LAMA2: variants seen among roughly 807,000 people sequenced by gnomAD.
LAMA2 encodes the protein laminin subunit alpha 2.
Under a neutral mutation model 364.8 loss-of-function variants are expected in LAMA2, and 269 were observed. That is an observed-to-expected ratio of 0.74 (90% CI 0.67 to 0.82). The LOEUF (loss-of-function observed/expected upper bound fraction) is 0.82. Among genes scored for constraint, LAMA2 ranks in the 40% least tolerant of loss-of-function variants. LAMA2 has a pLI of 0.00. For synonymous variants in LAMA2, 1,379 were observed against 1,370.6 expected (o/e 1.01, Z -0.14); for missense variants, 3,807 against 3,873.2 (o/e 0.98, Z 0.45).
chr6:129,013,002 A>G (rs1784855563), intron 1 of LAMA2, among the ~76,000 whole-genome samples: 1 of 152,246 alleles, frequency 6.6e-6, no homozygotes, highest in African/African-American at 2.4e-5. Context: ...ACCTATCACC[A>G]TCAGGCTATG....
chr6:129,353,432 G>A, intron 32 of LAMA2, 75 bp downstream of exon 32: 2 of 1,218,584 alleles, frequency 1.6e-6, no homozygotes, highest in Non-Finnish European at 2.4e-6. Flanking sequence ...GAGAAAGAGT[G>A]ACTCTCCCCG....
intron 1 of LAMA2, among the ~76,000 whole-genome samples, chr6:128,926,952 T>G (rs1779140468): frequency 6.6e-6 from 1 of 152,188 alleles, no homozygotes; most frequent in Non-Finnish European, 1.5e-5. Flanking sequence ...AAGGTTGACA[T>G]CCAGTTTGAA....
chr6:129,086,815 G>A (rs186075168), intron 3 of LAMA2, among the ~76,000 whole-genome samples: 3 of 152,208 alleles, frequency 2.0e-5, no homozygotes, highest in Non-Finnish European at 4.4e-5. Flanking sequence ...TAAAGTCCAG[G>A]TGTGGGTAGT....
chr6:129,201,829 G>A (rs1240480148), intron 12 of LAMA2, among the ~76,000 whole-genome samples: 2 of 152,170 alleles, frequency 1.3e-5, no homozygotes, highest in African/African-American at 4.8e-5. Context: ...AGAAAATCAT[G>A]TCAAGATATA....
chr6:129,033,118 T>C (rs1040100268), intron 1 of LAMA2, among the ~76,000 whole-genome samples: 6 of 151,722 alleles, frequency 4.0e-5, no homozygotes, highest in Non-Finnish European at 8.8e-5. Flanking sequence ...CTACAGATGG[T>C]GTGTAAATGG....
At chr6:129,136,082 G>GT (rs1777775052) in intron 4 of LAMA2, among the ~76,000 whole-genome samples, 2 of 150,652 alleles carry the variant, frequency 1.3e-5, no homozygotes, top group Admixed American at 1.3e-4. Context: ...AATTTTTTTT[G>GT]TTTTTTTGAA....
At chr6:129,047,931 C>A (rs1346639369) in intron 1 of LAMA2, among the ~76,000 whole-genome samples, 1 of 152,104 alleles carries the variant, frequency 6.6e-6, no homozygotes, top group East Asian at 1.9e-4. Context: ...ATTGTAGATG[C>A]CATTCAGTAG....
At chr6:129,480,199 C>G (rs941068045) in intron 54 of LAMA2, among the ~76,000 whole-genome samples, 10 of 152,122 alleles carry the variant, frequency 6.6e-5, no homozygotes, top group African/African-American at 2.2e-4. Flanking sequence ...GAATAGAAAA[C>G]AGATTATACA....
At chr6:129,171,233 A>G (rs1205102460) in intron 9 of LAMA2, among the ~76,000 whole-genome samples, 1 of 152,016 alleles carries the variant, frequency 6.6e-6, no homozygotes, top group African/African-American at 2.4e-5. Context: ...TTAGCTGGTT[A>G]TTTTGCTCGT....
intron 28 of LAMA2, among the ~76,000 whole-genome samples, chr6:129,322,793 TA>T (rs1364816074): frequency 5.3e-5 from 8 of 152,298 alleles, no homozygotes; most frequent in African/African-American, 1.9e-4. Context: ...ATTCTGGATT[TA>T]AAATGTTAAA....
intron 12 of LAMA2, among the ~76,000 whole-genome samples, chr6:129,228,206 C>T (rs1304773428): frequency 2.0e-5 from 3 of 152,098 alleles, no homozygotes; most frequent in Admixed American, 6.5e-5. Flanking sequence ...GGGAGTGACC[C>T]GATTTTCCAG....
At chr6:129,419,463 T>C (rs908147888) in intron 40 of LAMA2, among the ~76,000 whole-genome samples, 3 of 152,104 alleles carry the variant, frequency 2.0e-5, no homozygotes, top group Admixed American at 6.6e-5. Flanking sequence ...ACTAAGACTC[T>C]TTGTGGTATG....
At chr6:128,962,138 CCATATA>C (rs1156681416) in intron 1 of LAMA2, among the ~76,000 whole-genome samples, 1 of 35,290 alleles carries the variant, frequency 2.8e-5, no homozygotes, top group East Asian at 8.1e-4. Flanking sequence ...ATCCTCTGGA[CCATATA>C]TATATATATA....
rs749809481 is a variant in LAMA2 at position 129,516,196 on chromosome 6, T to C, written c.9218T>C (p.Leu3073Pro). 6.2e-7 allele frequency: 1 copy of C among 1,614,126 alleles called. No homozygotes were observed. Among genetic ancestry groups the C allele is most frequent in the Non-Finnish European group, 8.5e-7 (1 of 1,180,006 alleles). Reference sequence around the variant, plus strand: ...CTTGCATTGCCTTTTTCAGATGACCTCAAGCAGTTTGGCCTAACAACCAGT... The same window carrying C: ...CTTGCATTGCCTTTTTCAGATGACCCCAAGCAGTTTGGCCTAACAACCAGT... ...PVFVGGFPDD[L>P]KQFGLTTSIP... The change falls in exon 65 of 65, where the codon CTC (leucine) becomes CCC (proline). Residue 3073 changes from leucine (L) to proline (P), a missense_variant. This residue lies in a region of LAMA2 where 3,333 missense variants were observed against 3,345.7 expected (regional missense o/e 1.00). Coordinates refer to ENST00000421865, the MANE Select transcript of LAMA2 (RefSeq NM_000426.4).
chr6:129,427,714 T>G (rs1233300934), intron 40 of LAMA2, 38 bp from the exon 41 acceptor site: 2 of 1,448,260 alleles, frequency 1.4e-6, no homozygotes, highest in East Asian at 2.3e-5. Context: ...CATTATTCTA[T>G]GGTTTTAGAT....
At chr6:129,161,235 G>C (rs752765024) in intron 8 of LAMA2, among the ~76,000 whole-genome samples, 1 of 151,844 alleles carries the variant, frequency 6.6e-6, no homozygotes, top group Non-Finnish European at 1.5e-5. Flanking sequence ...ACTCTGTATG[G>C]TATGTTTTTT....
At chr6:129,096,520 T>C (rs1775198431) in intron 3 of LAMA2, among the ~76,000 whole-genome samples, 1 of 152,230 alleles carries the variant, frequency 6.6e-6, no homozygotes, top group African/African-American at 2.4e-5. Flanking sequence ...TCTGCAGTTA[T>C]ACCTATCTAT....
At chr6:129,465,551 A>G (rs112216841) in intron 51 of LAMA2, among the ~76,000 whole-genome samples, 2 of 152,024 alleles carry the variant, frequency 1.3e-5, no homozygotes, top group Non-Finnish European at 2.9e-5. Flanking sequence ...CAACTTGCAA[A>G]ATTATATCCT....
intron 19 of LAMA2, among the ~76,000 whole-genome samples, chr6:129,290,325 A>G (rs1006231136): frequency 5.3e-5 from 8 of 152,220 alleles, no homozygotes; most frequent in Admixed American, 2.0e-4. Flanking sequence ...TAAAGGAAAA[A>G]TTTTCAGCCT....
Sources: allele counts gnomAD v4.1 joint callset (sites outside exome capture counted in the v4.1 genomes callset), GRCh38; gene constraint gnomAD v4.1.1; regional missense constraint gnomAD v4.1.1; transcripts MANE v1.5; gene names NCBI Gene and HGNC (gene_info 2026-07-23, HGNC 2026-07-21).